Variants in PAX5 observed in about 807,000 individuals in gnomAD.
The protein encoded by PAX5 is paired box protein Pax-5.
A neutral mutation model predicts 43.7 loss-of-function variants in PAX5; 9 were observed. The ratio of observed to expected loss-of-function variants is 0.21; its 90% CI spans 0.12 to 0.36. PAX5 has a LOEUF of 0.36. Ranked by LOEUF, PAX5 falls within the 10% of genes least tolerant of loss-of-function variation. The pLI, the probability that PAX5 is intolerant of heterozygous loss-of-function variation, is 1.00. For synonymous variants in PAX5, 228 were observed against 214.3 expected (o/e 1.06, Z -0.56); for missense variants, 383 against 532.7 (o/e 0.72, Z 2.77).
intron 1 of PAX5, among the ~76,000 whole-genome samples, chr9:37,029,222 G>C (rs1026142293): frequency 6.6e-6 from 1 of 152,204 alleles, no homozygotes; most frequent in Non-Finnish European, 1.5e-5. Context: ...TTATCCTCTT[G>C]TTTTATTCTC....
intron 6 of PAX5, among the ~76,000 whole-genome samples, chr9:36,957,497 A>G (rs1273255055): frequency 6.6e-6 from 1 of 152,202 alleles, no homozygotes; most frequent in Non-Finnish European, 1.5e-5. Flanking sequence ...GAAGAATAAG[A>G]AAGAAGATTC....
chr9:36,957,891 G>A (rs1833623217), intron 6 of PAX5, among the ~76,000 whole-genome samples: 1 of 152,044 alleles, frequency 6.6e-6, no homozygotes, highest in Admixed American at 6.6e-5. Context: ...TGATGCAGTT[G>A]ATGGTGACCA....
intron 3 of PAX5, among the ~76,000 whole-genome samples, chr9:37,013,578 G>C (rs1054823150): frequency 1.3e-5 from 2 of 152,088 alleles, no homozygotes; most frequent in South Asian, 4.1e-4. Context: ...ACACAATGGA[G>C]CCTCTTATAA....
chr9:36,876,018 C>T (rs1825878872), intron 8 of PAX5, among the ~76,000 whole-genome samples: 1 of 152,198 alleles, frequency 6.6e-6, no homozygotes, highest in African/African-American at 2.4e-5. Flanking sequence ...CTGGGGAAGG[C>T]CTCTCTATGG....
rs571101863 is a variant in PAX5, at chr9:36,876,950, C to T, written c.1012+5054G>A. ...AAAACATGACATCCACTTTTTCAGG[C>T]TCTGCAGTGTGGCTGTGGAAGCATA... On this transcript the variant is annotated intron_variant, in intron 8 of 9. Transcript: ENST00000358127. Among the ~76,000 whole-genome samples, 11 of 152,310 alleles carry T rather than the reference C, an allele frequency of 7.2e-5. No individual in the cohort carries two copies. The South Asian group carries it at 2.3e-3, about 32-fold the overall frequency.
intron 5 of PAX5, among the ~76,000 whole-genome samples, chr9:36,971,693 G>A (rs769851220): frequency 7.9e-5 from 12 of 152,128 alleles, no homozygotes; most frequent in East Asian, 1.9e-4. Context: ...ACCATGGCTC[G>A]TAGAATTAAC....
In PAX5 at chr9:36,931,266, G is replaced by C. The variant is rs144596999; in HGVS notation, c.781-7782C>G. Among the ~76,000 whole-genome samples, 32 of 152,376 alleles carry C rather than the reference G, an allele frequency of 2.1e-4. 1 individual carries two copies. The highest frequency in any genetic ancestry group is 7.2e-4 in the Admixed American group (11 of 15,312). On this transcript the variant is annotated intron_variant, in intron 6 of 9. Coordinates refer to ENST00000358127, the MANE Select transcript of PAX5 (RefSeq NM_016734.3). ...GAGCCTGGCTCCAGCGACTGAGGCT[G>C]AGCAGGCAAAGGGGTCTGCAAGCCC...
At chr9:36,872,635 T>C (rs935093697) in intron 8 of PAX5, among the ~76,000 whole-genome samples, 8 of 152,182 alleles carry the variant, frequency 5.3e-5, no homozygotes, top group Non-Finnish European at 1.2e-4. Flanking sequence ...TCTTCCCAAA[T>C]GCAGGCAAGA....
intron 6 of PAX5, among the ~76,000 whole-genome samples, chr9:36,943,293 G>A (rs1312181316): frequency 6.6e-6 from 1 of 152,158 alleles, no homozygotes; most frequent in Non-Finnish European, 1.5e-5. Context: ...AGTCTCCTCA[G>A]TGCCTACCTG....
Position 36,882,055 on chromosome 9 carries a change from G to T in PAX5, c.961C>A (p.Pro321Thr), listed in dbSNP as rs543302698. Residue 321 changes from proline to threonine, a missense_variant, in exon 8 of 10, where the codon CCC becomes ACC. By Grantham distance (38) the Pro-to-Thr change is conservative (BLOSUM62 -1). Coordinates refer to ENST00000358127, the MANE Select transcript of PAX5 (RefSeq NM_016734.3). This position sits in a 1 kb window ranked among gnomAD's most constrained non-coding sequence, Gnocchi z 4.4. Reference protein sequence around the residue: ...TLPGYPPHVPPAGQGSYSAPT... With the variant: ...TLPGYPPHVPTAGQGSYSAPT... ...GCTGAGTAGCTGCCCTGTCCAGCGGGGGGGACGTGTGGAGGGTACCCGGGG... is the reference window on the plus strand; with the variant it reads ...GCTGAGTAGCTGCCCTGTCCAGCGGTGGGGACGTGTGGAGGGTACCCGGGG... 3.1e-6 allele frequency: 5 copies of T among 1,611,836 alleles called. No individual in the cohort carries two copies. The highest frequency in any genetic ancestry group is 2.7e-5 in the African/African-American group (2 of 74,820).
intron 6 of PAX5, among the ~76,000 whole-genome samples, chr9:36,946,035 G>A (rs959812703): frequency 6.6e-5 from 10 of 152,120 alleles, no homozygotes; most frequent in Non-Finnish European, 1.5e-4. Flanking sequence ...GGAACAGCAC[G>A]CAGGAAACTC....
rs1276738650 is a variant in PAX5, at chr9:36,833,775, A to G, written c.*6785T>C. The G allele has an allele frequency of 5.3e-5, 11 of 205,970 alleles. No individual in the cohort carries two copies. The highest frequency in any genetic ancestry group is 2.3e-4 in the African/African-American group (10 of 42,972). 12.8% of individuals were successfully genotyped at this position (205,970 alleles called of 1,614,324 possible). ...AAAACATACACATTTTTTAAGAAGC[A>G]TTTTTTTTTTTCAATCCGTTGGAGA... On this transcript the variant is annotated 3_prime_UTR_variant, in exon 10 of 10. Transcript: ENST00000358127.
At chr9:36,927,547 T>C (rs1022698469) in intron 6 of PAX5, among the ~76,000 whole-genome samples, 4 of 152,208 alleles carry the variant, frequency 2.6e-5, no homozygotes, top group African/African-American at 9.7e-5. Flanking sequence ...CTTCAACTTA[T>C]GTTATACATG....
At chr9:36,896,261 C>T (rs987149949) in intron 7 of PAX5, among the ~76,000 whole-genome samples, 6 of 152,202 alleles carry the variant, frequency 3.9e-5, no homozygotes, top group African/African-American at 1.2e-4. Context: ...AAACCAGTGC[C>T]TCAGCTGGTC....
At chr9:36,841,715 A>T (rs1199195903) in intron 9 of PAX5, among the ~76,000 whole-genome samples, 1 of 152,184 alleles carries the variant, frequency 6.6e-6, no homozygotes, top group Non-Finnish European at 1.5e-5. Flanking sequence ...ACAATAGCGA[A>T]GACACCCCCT....
At chr9:37,001,059 G>C (rs1210589921) in intron 5 of PAX5, among the ~76,000 whole-genome samples, 2 of 152,200 alleles carry the variant, frequency 1.3e-5, no homozygotes, top group Non-Finnish European at 2.9e-5. Flanking sequence ...CCTCCTCCGG[G>C]CATGATCTGA....
chr9:37,018,771 C>A (rs1839607986), intron 2 of PAX5, among the ~76,000 whole-genome samples: 1 of 152,038 alleles, frequency 6.6e-6, no homozygotes, highest in Non-Finnish European at 1.5e-5. Context: ...GGCACCGGAG[C>A]GGCGCGTAAC....
chr9:36,847,961 C>G (rs1391731031), intron 8 of PAX5, among the ~76,000 whole-genome samples: 1 of 152,162 alleles, frequency 6.6e-6, no homozygotes, highest in South Asian at 2.1e-4. Context: ...TCGCCAGGTG[C>G]CCAGTACCCG....
intron 6 of PAX5, among the ~76,000 whole-genome samples, chr9:36,954,366 A>G (rs1177103459): frequency 6.6e-6 from 1 of 152,232 alleles, no homozygotes; most frequent in Admixed American, 6.5e-5. Flanking sequence ...GTCAGAGCTG[A>G]AACTGCAAGT....
Sources: gnomAD v4.1 joint callset for allele counts (sites outside exome capture counted in the v4.1 genomes callset) on GRCh38, gnomAD v4.1.1 for gene constraint, Gnocchi (gnomAD v3.1) non-coding constraint, MANE v1.5 for transcripts, NCBI Gene and HGNC (gene_info 2026-07-23, HGNC 2026-07-21) for gene names.